The following CSMD1 variants were observed in gnomAD, a reference collection of about 807,000 sequenced individuals.
CSMD1 encodes the protein CUB and sushi domain-containing protein 1.
A neutral mutation model predicts 417.5 loss-of-function variants in CSMD1; 213 were observed. That is an observed-to-expected ratio of 0.51 (90% CI 0.46 to 0.57). CSMD1 has a LOEUF of 0.57. CSMD1 is among the 20% of genes least tolerant of loss of function. The pLI is 0.00. For synonymous variants in CSMD1, 2,862 were observed against 1,736.8 expected (o/e 1.65, Z -16.11); for missense variants, 6,923 against 4,529.7 (o/e 1.53, Z -15.17).
Position 3,840,302 on chromosome 8 carries a change from G to A in CSMD1, c.819-86260C>T, listed in dbSNP as rs371818629. Among the ~76,000 whole-genome samples, 9 of 152,280 alleles carry A rather than the reference G, an allele frequency of 5.9e-5. No homozygotes were observed. The East Asian group carries it at 1.4e-3, about 23-fold the overall frequency. On this transcript the variant is annotated intron_variant, in intron 5 of 69. Transcript: ENST00000635120. ...AATGGCAAAGCTCACGCAGGAGGCT[G>A]AGGTGCCAACTAGCATCTCGCTGTC...
chr8:4,661,619 G>C (rs1804612667), intron 1 of CSMD1, among the ~76,000 whole-genome samples: 1 of 152,106 alleles, frequency 6.6e-6, no homozygotes, highest in Non-Finnish European at 1.5e-5. Flanking sequence ...GGCTTTGCAA[G>C]ATGTTACCGT....
chr8:4,422,029 A>G (rs1205702475), intron 2 of CSMD1, among the ~76,000 whole-genome samples: 2 of 152,110 alleles, frequency 1.3e-5, no homozygotes, highest in Non-Finnish European at 2.9e-5. Context: ...CTACATATGT[A>G]AAATTGGCAA....
At chr8:2,990,081 T>C (rs988232315) in intron 54 of CSMD1, among the ~76,000 whole-genome samples, 10 of 152,230 alleles carry the variant, frequency 6.6e-5, no homozygotes, top group Non-Finnish European at 1.3e-4. Context: ...TGGAGGTAAC[T>C]GGGACAACAT....
At chr8:4,397,145 C>CA (rs1427042868) in intron 3 of CSMD1, among the ~76,000 whole-genome samples, 2 of 152,092 alleles carry the variant, frequency 1.3e-5, no homozygotes, top group Non-Finnish European at 2.9e-5. Flanking sequence ...GTCGAGCAAT[C>CA]ACTCTCATTT....
intron 10 of CSMD1, among the ~76,000 whole-genome samples, chr8:3,498,761 C>T (rs1385608519): frequency 6.6e-6 from 1 of 152,002 alleles, no homozygotes; most frequent in Non-Finnish European, 1.5e-5. Context: ...CTTTTTTCAT[C>T]TTGATCTAGT....
intron 5 of CSMD1, among the ~76,000 whole-genome samples, chr8:3,862,834 G>A (rs746844365): frequency 2.0e-5 from 3 of 152,160 alleles, no homozygotes; most frequent in Non-Finnish European, 2.9e-5. Context: ...GCAAGTTAGG[G>A]CAGGTGTCAA....
chr8:3,772,276 CAT>C (rs573984055), intron 5 of CSMD1, among the ~76,000 whole-genome samples: 6 of 138,656 alleles, frequency 4.3e-5, no homozygotes, highest in African/African-American at 1.7e-4. Flanking sequence ...TACATATGTA[CAT>C]ATATTTAGAC....
intron 4 of CSMD1, among the ~76,000 whole-genome samples, chr8:4,004,171 A>T (rs957904162): frequency 2.6e-5 from 4 of 152,116 alleles, no homozygotes; most frequent in African/African-American, 9.7e-5. Flanking sequence ...TTTTAATATA[A>T]TTGTGGTATT....
chr8:3,811,342 T>C (rs1403133958), intron 5 of CSMD1, among the ~76,000 whole-genome samples: 1 of 152,188 alleles, frequency 6.6e-6, no homozygotes, highest in Non-Finnish European at 1.5e-5. Context: ...TTATGGACAA[T>C]TATGGTTTTA....
At chr8:3,942,567 C>T (rs1810954963) in intron 5 of CSMD1, among the ~76,000 whole-genome samples, 1 of 152,162 alleles carries the variant, frequency 6.6e-6, no homozygotes, top group Admixed American at 6.5e-5. Context: ...CTCAGTTCAG[C>T]TTCACAGAGA....
chr8:4,163,794 T>C (rs754324698), intron 3 of CSMD1, among the ~76,000 whole-genome samples: 2 of 152,154 alleles, frequency 1.3e-5, no homozygotes, highest in Admixed American at 6.6e-5. Flanking sequence ...TTCAACAGTG[T>C]CATTACATTT....
At chr8:3,524,000 T>C (rs1454953101) in intron 10 of CSMD1, among the ~76,000 whole-genome samples, 1 of 114,422 alleles carries the variant, frequency 8.7e-6, no homozygotes, top group Admixed American at 8.7e-5. Flanking sequence ...CAGAGACACA[T>C]ATGCACACAT....
At chr8:4,532,612 G>A (rs112837832) in intron 2 of CSMD1, among the ~76,000 whole-genome samples, 160 of 72,372 alleles carry the variant, frequency 2.2e-3, no homozygotes, top group Admixed American at 3.5e-3. Flanking sequence ...ATCCTGCACC[G>A]CCATTCAGAG....
chr8:4,401,985 G>A (rs1274448383), intron 3 of CSMD1, among the ~76,000 whole-genome samples: 2 of 151,924 alleles, frequency 1.3e-5, no homozygotes, highest in Admixed American at 6.6e-5. Context: ...TTTCAGCACC[G>A]GACTCCCTGC....
intron 3 of CSMD1, among the ~76,000 whole-genome samples, chr8:4,292,756 A>G (rs533437732): frequency 1.3e-5 from 2 of 152,196 alleles, no homozygotes; most frequent in South Asian, 4.1e-4. Flanking sequence ...TCATTGTTCA[A>G]ACTGAATATT....
chr8:4,625,297 T>G (rs1454260567), intron 2 of CSMD1, among the ~76,000 whole-genome samples: 1 of 151,936 alleles, frequency 6.6e-6, no homozygotes, highest in African/African-American at 2.4e-5. Context: ...CTGAAAAGAG[T>G]GATGGAAGTT....
intron 12 of CSMD1, among the ~76,000 whole-genome samples, chr8:3,450,268 C>T (rs1413866038): frequency 6.6e-6 from 1 of 152,026 alleles, no homozygotes; most frequent in Non-Finnish European, 1.5e-5. Flanking sequence ...TCAGGAGTTT[C>T]AGATCTTCCT....
chr8:3,701,180 G>A (rs1206072471), intron 7 of CSMD1, among the ~76,000 whole-genome samples: 1 of 152,028 alleles, frequency 6.6e-6, no homozygotes, highest in Non-Finnish European at 1.5e-5. Flanking sequence ...GTAAGCCCGT[G>A]GATAGGAAGT....
intron 5 of CSMD1, among the ~76,000 whole-genome samples, chr8:3,854,753 G>GAA (rs11392855): frequency 3.3e-4 from 48 of 146,264 alleles, no homozygotes; most frequent in Admixed American, 2.0e-3. Flanking sequence ...GGGTAAAAAA[G>GAA]AAAAAAAAAA....
Sources: allele counts gnomAD v4.1 joint callset (sites outside exome capture counted in the v4.1 genomes callset), GRCh38; gene constraint gnomAD v4.1.1; transcripts MANE v1.5; gene names NCBI Gene and HGNC (gene_info 2026-07-23, HGNC 2026-07-21).